Variants in TBC1D9 observed in about 807,000 individuals in gnomAD.
TBC1D9 encodes TBC1 domain family member 9A.
A neutral mutation model predicts 132.0 loss-of-function variants in TBC1D9; 63 were observed. The ratio of observed to expected loss-of-function variants is 0.48; its 90% confidence interval spans 0.39 to 0.59. TBC1D9 has a LOEUF of 0.59. Among genes scored for constraint, TBC1D9 ranks in the 20% least tolerant of loss-of-function variants. The probability of loss-of-function intolerance (pLI) is 0.00; values close to 1 mark genes in which losing one functional copy is unlikely to be tolerated. For missense variants in TBC1D9, 1,261 were observed against 1,592.7 expected (o/e 0.79, Z 3.54); for synonymous variants, 610 against 609.9 (o/e 1.00, Z 0.00).
At chr4:140,640,433 T>G (rs981066139) in intron 13 of TBC1D9, among the ~76,000 whole-genome samples, 1 of 80,830 alleles carries the variant, frequency 1.2e-5, no homozygotes, top group Non-Finnish European at 2.4e-5. Flanking sequence ...TGACCTTATC[T>G]TAGGGTGGTG....
At chr4:140,755,645 C>G (rs1284175968) in intron 1 of TBC1D9, among the ~76,000 whole-genome samples, 1 of 151,902 alleles carries the variant, frequency 6.6e-6, no homozygotes, top group Non-Finnish European at 1.5e-5. Context: ...ACATTCCCTC[C>G]GCCCCAGACT....
chr4:140,694,179 T>C (rs369362719), intron 2 of TBC1D9, among the ~76,000 whole-genome samples: 9 of 152,182 alleles, frequency 5.9e-5, no homozygotes, highest in African/African-American at 1.9e-4. Context: ...TTCACTAAGA[T>C]TGTTCAAAAT....
intron 1 of TBC1D9, among the ~76,000 whole-genome samples, chr4:140,754,435 G>A (rs571318652): frequency 1.4e-4 from 21 of 151,882 alleles, no homozygotes; most frequent in Non-Finnish European, 2.5e-4. Context: ...CCAACATGGT[G>A]AAACCCCATC....
intron 9 of TBC1D9, among the ~76,000 whole-genome samples, chr4:140,664,060 GA>G (rs1367657878): frequency 7.4e-6 from 1 of 134,770 alleles, no homozygotes; most frequent in East Asian, 2.2e-4. Context: ...AAAAAAACAA[GA>G]AAAAAAGACA....
intron 1 of TBC1D9, among the ~76,000 whole-genome samples, chr4:140,754,134 G>A (rs1024639084): frequency 2.4e-4 from 36 of 152,222 alleles, no homozygotes; most frequent in African/African-American, 8.4e-4. Flanking sequence ...GAACCAGTAG[G>A]AACACAATAC....
rs186464371 is a variant in TBC1D9 at position 140,658,798 on chromosome 4, G to A, written c.1921+790C>T. Among the ~76,000 whole-genome samples the A allele has an allele frequency of 1.1e-4, 17 of 150,414 alleles. No homozygotes were observed. In the East Asian group the frequency reaches 2.7e-3, roughly 24 times the overall value. Reference sequence around the variant, plus strand: ...TGTACTCCAACCTGGGCGACAGAGCGAGATGGTCTTAAAAAAAAAAAAAAA... The same window carrying A: ...TGTACTCCAACCTGGGCGACAGAGCAAGATGGTCTTAAAAAAAAAAAAAAA... On this transcript the variant is annotated intron_variant, in intron 11 of 20. Transcript: ENST00000442267.
chr4:140,709,248 T>TCTCTCTCTCTCACACACACA (rs1382500714), intron 1 of TBC1D9, among the ~76,000 whole-genome samples: 60 of 104,188 alleles, frequency 5.8e-4, no homozygotes, highest in African/African-American at 2.4e-3. Flanking sequence ...TCTCTCTCTC[T>TCTCTCTCTCTCACACACACA]CACACACACA....
chr4:140,730,126 T>C (rs1003130166), intron 1 of TBC1D9, among the ~76,000 whole-genome samples: 1 of 152,204 alleles, frequency 6.6e-6, no homozygotes, highest in African/African-American at 2.4e-5. Flanking sequence ...CTTCAGCCCT[T>C]GAGTCCCACT....
Position 140,621,922 on chromosome 4 carries a change from C to A in TBC1D9, c.*273G>T. 2.9e-6 allele frequency: 1 copy of A among 349,106 alleles called. No individual in the cohort carries two copies. Among genetic ancestry groups the A allele is most frequent in the Non-Finnish European group, 5.1e-6 (1 of 196,810 alleles). The allele number at this position is 349,106 out of a possible 1,614,324, so 21.6% of individuals were successfully genotyped here. A position where few individuals can be genotyped will look rare whatever the true frequency, so the allele number is the denominator to read the frequency against. Reference sequence around the variant, plus strand: ...AATAAGTTATAATACACACATATCACTGACAGATTCATCTTTTTGTTTTTT... The same window carrying A: ...AATAAGTTATAATACACACATATCAATGACAGATTCATCTTTTTGTTTTTT... On this transcript the variant is annotated 3_prime_UTR_variant, in exon 21 of 21. Transcript: ENST00000442267.
rs144501268 is a variant in TBC1D9 at position 140,630,389 on chromosome 4, T to C, written c.2747-2024A>G. 5.6e-3 allele frequency among the ~76,000 whole-genome samples: 852 copies of C among 152,350 alleles called. 4 individuals are homozygous for C. The highest frequency in any genetic ancestry group is 0.01 in the Non-Finnish European group (690 of 68,020). On this transcript the variant is annotated intron_variant, in intron 16 of 20. Coordinates refer to ENST00000442267, the MANE Select transcript of TBC1D9 (RefSeq NM_015130.3). ...TTGTTAAAGATCCATGGTAGCATTA[T>C]AACCTGACTGAAGACAAAGAAGTTC...
At chr4:140,669,593 T>C in intron 8 of TBC1D9, 41 bp downstream of exon 8, 1 of 1,579,788 alleles carries the variant, frequency 6.3e-7, no homozygotes, top group Non-Finnish European at 8.7e-7. Context: ...ATGGCATTGT[T>C]CAAATCTACA....
At chr4:140,714,000 C>T (rs1238386255) in intron 1 of TBC1D9, among the ~76,000 whole-genome samples, 1 of 152,156 alleles carries the variant, frequency 6.6e-6, no homozygotes, top group Non-Finnish European at 1.5e-5. Flanking sequence ...GTAAAGGTCA[C>T]TGGCAAAAAT....
At chr4:140,660,791 T>C (rs919226360) in intron 10 of TBC1D9, among the ~76,000 whole-genome samples, 7 of 152,204 alleles carry the variant, frequency 4.6e-5, no homozygotes, top group African/African-American at 1.2e-4. Flanking sequence ...GGTAAAATAA[T>C]GCAGTAGAGG....
chr4:140,719,766 A>G lies in TBC1D9; in HGVS notation c.131-18152T>C, dbSNP rs1378542023. Among the ~76,000 whole-genome samples the G allele has an allele frequency of 2.0e-5, 3 of 152,226 alleles. No individual in the cohort carries two copies. The East Asian group carries it at 5.8e-4, about 29-fold the overall frequency. On this transcript the variant is annotated intron_variant, in intron 1 of 20. Transcript: ENST00000442267. ...TCATTTGCTCAGTCAGTTCAAGGGT[A>G]CATAGCTCAAGGGTAATACAGAAGA...
intron 13 of TBC1D9, among the ~76,000 whole-genome samples, chr4:140,641,641 T>G (rs1736997196): frequency 7.6e-6 from 1 of 131,154 alleles, no homozygotes; most frequent in African/African-American, 3.1e-5. Context: ...GAACTCGGGG[T>G]AGGGGGAGGA....
At position 140,679,681 on chromosome 4, in the gene TBC1D9, G is replaced by A. The variant is rs761087563; in HGVS notation, c.523C>T (p.Arg175Cys). The A allele has an allele frequency of 5.0e-6, 8 of 1,613,646 alleles. No individual in the cohort carries two copies. The South Asian group carries it at 5.5e-5, about 11-fold the overall frequency. ...SCSYWKGKVP[R>C]QGWMYLSINH... ...ATGCTGAGGTACATCCAACCCTGAC[G>A]GGGGACCTTCCCCTTCCAATAGCTG... Residue 175 changes from arginine (R) to cysteine (C), a missense_variant, in exon 4 of 21, where the codon CGT (arginine) becomes TGT (cysteine). Arg to Cys is a radical substitution (Grantham distance 180, BLOSUM62 -3). Transcript: ENST00000442267.
rs777904045 is a variant in TBC1D9 at position 140,624,337 on chromosome 4, G to A, written c.2951C>T (p.Thr984Met). 8.7e-6 allele frequency: 14 copies of A among 1,613,554 alleles called. No individual in the cohort carries two copies. Among genetic ancestry groups the A allele is most frequent in the East Asian group, 2.2e-5 (1 of 44,884 alleles). ...ACCTTTGTCTGGCTTTAGGCTCACC[G>A]TAACAAAGCCATCATCTGCACCCTG... ...SKQGADDGFVTVSLKPDKGKR... is the reference protein window; with the variant it reads ...SKQGADDGFVMVSLKPDKGKR... The change falls in exon 19 of 21, where the codon ACG becomes ATG. Residue 984 changes from threonine to methionine, a missense_variant. Physicochemically the swap from Thr to Met is moderately conservative, Grantham distance 81. Coordinates refer to ENST00000442267, the MANE Select transcript of TBC1D9 (RefSeq NM_015130.3).
At position 140,662,119 on chromosome 4, in the gene TBC1D9, C is replaced by T; in HGVS notation, c.1589-12G>A. 1 of 1,604,540 alleles carries T rather than the reference C, an allele frequency of 6.2e-7. No homozygotes were observed. On this transcript the variant is annotated splice_polypyrimidine_tract_variant and intron_variant, in intron 9 of 20. Coordinates refer to ENST00000442267, the MANE Select transcript of TBC1D9 (RefSeq NM_015130.3). ...CTCATTGATGGCACCTGAGATATAT[C>T]CAACAGATACAGTATCAAAAACGTG... is the stretch of plus-strand genomic sequence containing the variant.
At chr4:140,632,639 G>A (rs138403541) in intron 16 of TBC1D9, among the ~76,000 whole-genome samples, 1 of 152,228 alleles carries the variant, frequency 6.6e-6, no homozygotes, top group Non-Finnish European at 1.5e-5. Flanking sequence ...ACTTTTCTGA[G>A]CTTCTATTTC....
Sources: allele counts gnomAD v4.1 joint callset (sites outside exome capture counted in the v4.1 genomes callset), GRCh38; gene constraint gnomAD v4.1.1; transcripts MANE v1.5; gene names NCBI Gene and HGNC (gene_info 2026-07-23, HGNC 2026-07-21).